The following CDH9 variants were observed in gnomAD, a reference collection of about 807,000 sequenced individuals.
CDH9 encodes cadherin-9.
In CDH9, 28 loss-of-function variants were observed where a neutral mutation model predicts 70.9. The observed-to-expected ratio is 0.40, with a 90% CI of 0.29 to 0.54. CDH9 has a LOEUF of 0.54. CDH9 is among the 20% of genes least tolerant of loss of function. The pLI is 0.59. For synonymous variants in CDH9, 409 were observed against 343.1 expected (o/e 1.19, Z -2.12); for missense variants, 874 against 984.4 (o/e 0.89, Z 1.50).
chr5:26,969,482 C>A (rs746800323), intron 2 of CDH9, among the ~76,000 whole-genome samples: 5 of 152,018 alleles, frequency 3.3e-5, no homozygotes, highest in Non-Finnish European at 7.4e-5. Context: ...CGATGATGAT[C>A]ATTTCAAATG....
intron 1 of CDH9, among the ~76,000 whole-genome samples, chr5:27,016,961 C>A (rs958372333): frequency 6.6e-6 from 1 of 151,790 alleles, no homozygotes; most frequent in East Asian, 1.9e-4. Flanking sequence ...TAAATTATTT[C>A]TTTGTTTGCT....
chr5:26,926,227 A>G (rs9686973), intron 2 of CDH9, among the ~76,000 whole-genome samples: 14,641 of 152,128 alleles, frequency 0.096, 877 homozygotes, highest in East Asian at 0.19. Context: ...TTAAGCCGAT[A>G]AGCAACTTCA....
chr5:27,037,414 G>C (rs1346695895), intron 1 of CDH9, among the ~76,000 whole-genome samples: 1 of 151,894 alleles, frequency 6.6e-6, no homozygotes, highest in East Asian at 1.9e-4. Flanking sequence ...TTCATCAAAA[G>C]TTGATGATAC....
intron 7 of CDH9, among the ~76,000 whole-genome samples, chr5:26,899,353 A>C (rs1415373901): frequency 1.3e-5 from 2 of 152,208 alleles, no homozygotes; most frequent in Non-Finnish European, 2.9e-5. Context: ...TCATTCTACT[A>C]TAAAGACACA....
chr5:27,025,991 T>C (rs1331833208), intron 1 of CDH9, among the ~76,000 whole-genome samples: 1 of 152,028 alleles, frequency 6.6e-6, no homozygotes, highest in Non-Finnish European at 1.5e-5. Flanking sequence ...CAGGAGGCAC[T>C]GGAGAACTAA....
chr5:26,961,191 G>A (rs1424672870), intron 2 of CDH9, among the ~76,000 whole-genome samples: 1 of 151,944 alleles, frequency 6.6e-6, no homozygotes, highest in Non-Finnish European at 1.5e-5. Context: ...GTTTTGATAC[G>A]TGCATACACT....
At chr5:26,914,742 T>C (rs899245955) in intron 3 of CDH9, among the ~76,000 whole-genome samples, 1 of 152,084 alleles carries the variant, frequency 6.6e-6, no homozygotes, top group African/African-American at 2.4e-5. Flanking sequence ...GAAACATATA[T>C]TAGTTATAAG....
intron 1 of CDH9, among the ~76,000 whole-genome samples, chr5:27,030,754 G>T (rs904076895): frequency 1.3e-5 from 2 of 151,464 alleles, no homozygotes; most frequent in Non-Finnish European, 2.9e-5. Context: ...AAATACAGAA[G>T]GAGATGAGTG....
chr5:26,890,368 C>A, intron 8 of CDH9, 60 bp downstream of exon 8: 1 of 1,427,522 alleles, frequency 7.0e-7, no homozygotes, highest in East Asian at 2.3e-5. Flanking sequence ...CTAGCTGGTG[C>A]TATTATTTTA....
chr5:27,009,946 T>C (rs1742929088), intron 1 of CDH9, among the ~76,000 whole-genome samples: 1 of 152,086 alleles, frequency 6.6e-6, no homozygotes, highest in Admixed American at 6.6e-5. Context: ...CTTTGTTAGG[T>C]GAGACACAGC....
At chr5:27,035,563 TAA>T (rs1743376878) in intron 1 of CDH9, among the ~76,000 whole-genome samples, 1 of 151,734 alleles carries the variant, frequency 6.6e-6, no homozygotes, top group East Asian at 1.9e-4. Flanking sequence ...TAAGAAAATT[TAA>T]CTTTAAGCAG....
chr5:26,965,540 G>C (rs1742113896), intron 2 of CDH9, among the ~76,000 whole-genome samples: 1 of 151,076 alleles, frequency 6.6e-6, no homozygotes, highest in Non-Finnish European at 1.5e-5. Context: ...CATGCCATTG[G>C]AATCCAGCGT....
intron 1 of CDH9, among the ~76,000 whole-genome samples, chr5:27,035,675 CGTGTGT>C (rs56317555): frequency 0.016 from 2,298 of 142,814 alleles, 31 homozygotes; most frequent in African/African-American, 0.029. Context: ...TTGCTATTGA[CGTGTGT>C]GTGTGTGTGT....
intron 2 of CDH9, among the ~76,000 whole-genome samples, chr5:26,983,105 C>T (rs947413030): frequency 1.7e-4 from 26 of 151,986 alleles, no homozygotes; most frequent in African/African-American, 6.3e-4. Flanking sequence ...GAGTGAACAA[C>T]AACAACAACA....
At chr5:27,030,689 C>T (rs2112135179) in intron 1 of CDH9, among the ~76,000 whole-genome samples, 1 of 151,872 alleles carries the variant, frequency 6.6e-6, no homozygotes, top group African/African-American at 2.4e-5. Flanking sequence ...CAACATACAA[C>T]CTAAGTCAAC....
chr5:27,029,917 GAA>G (rs1311396590), intron 1 of CDH9, among the ~76,000 whole-genome samples: 5 of 151,994 alleles, frequency 3.3e-5, no homozygotes, highest in Admixed American at 1.3e-4. Context: ...TTCTTAATGT[GAA>G]AAGTTAGATA....
intron 2 of CDH9, among the ~76,000 whole-genome samples, chr5:26,967,973 A>G (rs1458408010): frequency 6.6e-6 from 1 of 151,960 alleles, no homozygotes; most frequent in African/African-American, 2.4e-5. Flanking sequence ...TCTGCCTCCC[A>G]AAATGCTGTG....
chr5:26,989,501 CTT>C (rs1742544471), intron 1 of CDH9, among the ~76,000 whole-genome samples: 1 of 137,494 alleles, frequency 7.3e-6, no homozygotes, highest in South Asian at 2.2e-4. Context: ...TTCTCTCTCT[CTT>C]CTCTGTCTCT....
At chr5:26,881,694 G>T in intron 11 of CDH9, 71 bp from the exon 12 acceptor site, 1 of 1,401,008 alleles carries the variant, frequency 7.1e-7, no homozygotes, top group Non-Finnish European at 9.6e-7. Context: ...TTCTGAGTGT[G>T]AAATTCGTTT....
Sources: gnomAD v4.1 joint callset for allele counts (sites outside exome capture counted in the v4.1 genomes callset) on GRCh38, gnomAD v4.1.1 for gene constraint, MANE v1.5 for transcripts, NCBI Gene and HGNC (gene_info 2026-07-23, HGNC 2026-07-21) for gene names.